The following CADM4 variants were observed in gnomAD, a reference collection of about 807,000 sequenced individuals.
CADM4 encodes cell adhesion molecule 4.
CADM4 carries 13 observed loss-of-function variants against 43.9 expected under a neutral mutation model. The ratio of observed to expected loss-of-function variants is 0.30; its 90% CI spans 0.19 to 0.47. The LOEUF (loss-of-function observed/expected upper bound fraction) is 0.47. Ranked by LOEUF, CADM4 falls within the 20% of genes least tolerant of loss-of-function variation. The pLI is 1.00. For synonymous variants in CADM4, 209 were observed against 220.9 expected (o/e 0.95, Z 0.48); for missense variants, 420 against 527.0 (o/e 0.80, Z 1.99).
rs1322867790 is a variant in CADM4 at position 43,639,743 on chromosome 19, C to T, written c.48G>A (p.Ala16=). 2 of 1,016,540 alleles carry T rather than the reference C, an allele frequency of 2.0e-6. No individual in the cohort carries two copies. Among genetic ancestry groups the T allele is most frequent in the African/African-American group, 1.8e-5 (1 of 57,000 alleles). 63.0% of individuals were successfully genotyped at this position (1,016,540 alleles called of 1,614,324 possible). A position where few individuals can be genotyped will look rare whatever the true frequency, so the allele number is the denominator to read the frequency against. ...CGACCCTACCTGGCCCCGCCGCGGC[C>T]GCCCACAGCAGCAGCAGCGGCCACT... ...RFQWPLLLLW[A]AAAGPGAGQE... is the part of the protein sequence containing the mutation. The change falls in exon 1 of 9, where the codon GCG becomes GCA. Residue 16 remains alanine, a synonymous_variant. Coordinates refer to ENST00000222374, the MANE Select transcript of CADM4 (RefSeq NM_145296.2).
In CADM4 at chr19:43,627,676, G is replaced by T; in HGVS notation, c.179C>A (p.Ala60Asp). 6.2e-7 allele frequency: 1 copy of T among 1,613,962 alleles called. No individual in the cohort carries two copies. Among genetic ancestry groups the T allele is most frequent in the East Asian group, 2.2e-5 (1 of 44,868 alleles). The change falls in exon 2 of 9, where the codon GCC (alanine) becomes GAC (aspartate). Residue 60 changes from alanine (A) to aspartate (D), a missense_variant. Physicochemically the swap from Ala to Asp is moderately radical, Grantham distance 126. Coordinates refer to ENST00000222374, the MANE Select transcript of CADM4 (RefSeq NM_145296.2). The surrounding 1 kb of genome is among the most constrained non-coding windows in gnomAD (Gnocchi z 4.0). ...GCCATTGAAGAAGAGGGTCTGCCGG[G>T]CTGGGTTCTGGATGACAACTATGGA... Reference protein sequence around the residue: ...DGSIVVIQNPARQTLFFNGTR... With the variant: ...DGSIVVIQNPDRQTLFFNGTR...
In CADM4 at chr19:43,624,259, G is replaced by A. The variant is rs1222053439; in HGVS notation, c.929-17C>T. On this transcript the variant is annotated splice_polypyrimidine_tract_variant and intron_variant, in intron 7 of 8. Coordinates refer to ENST00000222374, the MANE Select transcript of CADM4 (RefSeq NM_145296.2). ...CACCAGGGTCTGCCAGAGGGACACG[G>A]CACAGGACCAGGTCATCAGAGGACG... is the stretch of plus-strand genomic sequence containing the variant. The A allele has an allele frequency of 6.2e-7, 1 of 1,614,082 alleles. No homozygotes were observed. The highest frequency in any genetic ancestry group is 8.5e-7 in the Non-Finnish European group (1 of 1,180,008).
In CADM4 at chr19:43,626,915, G is replaced by A; in HGVS notation, c.368C>T (p.Ala123Val). 10 of 1,597,340 alleles carry A rather than the reference G, an allele frequency of 6.3e-6. No individual in the cohort carries two copies. The highest frequency in any genetic ancestry group is 1.1e-5 in the South Asian group (1 of 90,244). Residue 123 changes from alanine to valine, a missense_variant, in exon 4 of 9, where the codon GCC becomes GTC. Coordinates refer to ENST00000222374, the MANE Select transcript of CADM4 (RefSeq NM_145296.2). The surrounding 1 kb of genome is among the most constrained non-coding windows in gnomAD (Gnocchi z 5.9). The stretch of plus-strand genomic sequence containing the variant: ...GACCTCCACCACAGGATTCTCTGGG[G>A]CCACTGCCGCAGGGAGAAGGGAAGT... ...HQIATLTVLVAPENPVVEVRE... is the reference protein window; with the variant it reads ...HQIATLTVLVVPENPVVEVRE...
In CADM4 at chr19:43,622,455, G is replaced by C. The variant is rs1568538545; in HGVS notation, c.*875C>G. The C allele has an allele frequency of 6.6e-6, 1 of 152,074 alleles. No individual in the cohort carries two copies. The highest frequency in any genetic ancestry group is 1.9e-4 in the East Asian group (1 of 5,168). 9.4% of individuals were successfully genotyped at this position (152,074 alleles called of 1,614,324 possible). ...CCCACCCCGTACAAAATGTGTGTGT[G>C]GTTTTTTGTTTTTTGTTTTTTGTTT... is the stretch of plus-strand genomic sequence containing the variant. On this transcript the variant is annotated 3_prime_UTR_variant, in exon 9 of 9. Transcript: ENST00000222374.
At chr19:43,639,522 G>A (rs1168953206) in intron 1 of CADM4, among the ~76,000 whole-genome samples, 4 of 150,784 alleles carry the variant, frequency 2.7e-5, no homozygotes, top group Admixed American at 2.6e-4. Flanking sequence ...GGGTGGGGGG[G>A]CTGCGGCACG....
chr19:43,624,331 C>G (rs1479510913), intron 7 of CADM4, 89 bp from the exon 8 acceptor site: 2 of 1,553,254 alleles, frequency 1.3e-6, no homozygotes, highest in East Asian at 4.5e-5. Flanking sequence ...CCATTCTGCA[C>G]ACGTCTAACC....
In CADM4 at chr19:43,626,137, C is replaced by G; in HGVS notation, c.651G>C (p.Val217=). The stretch of plus-strand genomic sequence containing the variant: ...CCGGTCACTTACACTGCACATCCAG[C>G]ACGTACTGCGTCTGCTTGCTGTGTC... ...PSGHSKQTQY[V]LDVQYSPTAR... is the part of the protein sequence containing the mutation. The change falls in exon 5 of 9, where the codon GTG becomes GTC. Residue 217 remains valine (V), a synonymous_variant. Transcript: ENST00000222374. This position sits in a 1 kb window ranked among gnomAD's most constrained non-coding sequence, Gnocchi z 5.9. 1 of 1,613,878 alleles carries G rather than the reference C, an allele frequency of 6.2e-7. No homozygotes were observed. The highest frequency in any genetic ancestry group is 1.7e-5 in the Admixed American group (1 of 59,978).
Position 43,624,233 on chromosome 19 carries a change from G to A in CADM4, c.938C>T (p.Ala313Val). 2 of 1,614,162 alleles carry A rather than the reference G, an allele frequency of 1.2e-6. No homozygotes were observed. Among genetic ancestry groups the A allele is most frequent in the Non-Finnish European group, 1.7e-6 (2 of 1,180,034 alleles). ...LYVLVVYDPG[A>V]VVEAQTSVPY... Reference sequence around the variant, plus strand: ...AACCGACGTCTGAGCCTCTACCACCGCACCAGGGTCTGCCAGAGGGACACG... The same window carrying A: ...AACCGACGTCTGAGCCTCTACCACCACACCAGGGTCTGCCAGAGGGACACG... The change falls in exon 8 of 9, where the codon GCG (alanine) becomes GTG (valine). Residue 313 changes from alanine (A) to valine (V), a missense_variant. By Grantham distance (64) the Ala-to-Val change is moderately conservative. Coordinates refer to ENST00000222374, the MANE Select transcript of CADM4 (RefSeq NM_145296.2).
In CADM4 at chr19:43,626,639, A is replaced by C; in HGVS notation, c.499+145T>G. The stretch of plus-strand genomic sequence containing the variant: ...CAGCCTCCCAAAGTGCTAGGACTAC[A>C]GGCGTGAGCCACCGCGCTCGACATC... On this transcript the variant is annotated intron_variant, in intron 4 of 8. Coordinates refer to ENST00000222374, the MANE Select transcript of CADM4 (RefSeq NM_145296.2). The surrounding 1 kb of genome is among the most constrained non-coding windows in gnomAD (Gnocchi z 5.9). 9.2e-7 allele frequency: 1 copy of C among 1,084,906 alleles called. No individual in the cohort carries two copies. The highest frequency in any genetic ancestry group is 1.8e-5 in the South Asian group (1 of 55,226). The allele number at this position is 1,084,906 out of a possible 1,614,324, so 67.2% of individuals were successfully genotyped here. A position where few individuals can be genotyped will look rare whatever the true frequency, so the allele number is the denominator to read the frequency against.
upstream of CADM4, chr19:43,639,961 CG>C: frequency 2.8e-6 from 1 of 360,748 alleles, no homozygotes; most frequent in Non-Finnish European, 3.8e-6. Flanking sequence ...CGGAGACAAT[CG>C]GGGGGACGGC....
intron 1 of CADM4, among the ~76,000 whole-genome samples, chr19:43,634,858 C>T (rs1402792394): frequency 6.6e-6 from 1 of 151,250 alleles, no homozygotes; most frequent in East Asian, 2.0e-4. Flanking sequence ...TTCCAGGAGT[C>T]TGGAACCCCG....
chr19:43,641,093 C>T (rs1426681905), upstream of CADM4, among the ~76,000 whole-genome samples: 3 of 151,846 alleles, frequency 2.0e-5, no homozygotes, highest in Admixed American at 6.6e-5. Context: ...CTCAGCCTCC[C>T]GAGTAGCTGA....
At chr19:43,637,022 T>G (rs939160043) in intron 1 of CADM4, among the ~76,000 whole-genome samples, 40 of 152,276 alleles carry the variant, frequency 2.6e-4, no homozygotes, top group African/African-American at 9.6e-4. Context: ...TTTCCTCTCC[T>G]CCTTTCTGTT....
At chr19:43,628,946 T>TA in intron 1 of CADM4, among the ~76,000 whole-genome samples, 2 of 152,340 alleles carry the variant, frequency 1.3e-5, no homozygotes, top group Middle Eastern at 6.8e-3. Context: ...GCCCATCTGA[T>TA]ACAGCCCAAA....
intron 1 of CADM4, among the ~76,000 whole-genome samples, chr19:43,633,662 C>CTCTCTTTCTT (rs1227741896): frequency 4.0e-4 from 59 of 148,320 alleles, no homozygotes; most frequent in Admixed American, 2.5e-3. Context: ...CTCTTTCTCT[C>CTCTCTTTCTT]TCTCTTTCTT....
chr19:43,624,964 A>G, intron 7 of CADM4, 114 bp downstream of exon 7: 1 of 1,219,782 alleles, frequency 8.2e-7, no homozygotes, highest in Non-Finnish European at 1.1e-6. Context: ...TCCCAAAACA[A>G]AAAGAACTCT....
intron 7 of CADM4, 114 bp from the exon 8 acceptor site, chr19:43,624,356 G>A (rs992752071): frequency 1.1e-5 from 14 of 1,323,586 alleles, no homozygotes; most frequent in Non-Finnish European, 2.1e-6. Flanking sequence ...CCTTTTATGT[G>A]CCACACCCCT....
intron 1 of CADM4, among the ~76,000 whole-genome samples, chr19:43,630,700 T>C (rs1214650594): frequency 6.6e-6 from 1 of 152,150 alleles, no homozygotes; most frequent in African/African-American, 2.4e-5. Flanking sequence ...TTCTGTATCC[T>C]GAATCTGTAT....
chr19:43,626,920 T>C lies in CADM4; in HGVS notation c.365-2A>G. ...CCACCACAGGATTCTCTGGGGCCACTGCCGCAGGGAGAAGGGAAGTAAGGG... is the reference window on the plus strand; with the variant it reads ...CCACCACAGGATTCTCTGGGGCCACCGCCGCAGGGAGAAGGGAAGTAAGGG... On this transcript the variant is annotated splice_acceptor_variant, in intron 3 of 8. Transcript: ENST00000222374. LOFTEE classifies it high-confidence loss of function. This position sits in a 1 kb window ranked among gnomAD's most constrained non-coding sequence, Gnocchi z 5.9. 6.3e-7 allele frequency: 1 copy of C among 1,593,036 alleles called. No homozygotes were observed. The highest frequency in any genetic ancestry group is 8.5e-7 in the Non-Finnish European group (1 of 1,170,734).
Sources: gnomAD v4.1 joint callset for allele counts (sites outside exome capture counted in the v4.1 genomes callset) on GRCh38, gnomAD v4.1.1 for gene constraint, Gnocchi (gnomAD v3.1) non-coding constraint, MANE v1.5 for transcripts, NCBI Gene and HGNC (gene_info 2026-07-23, HGNC 2026-07-21) for gene names.